Variants in MXD1 observed in about 807,000 individuals in gnomAD.
MXD1 encodes the protein MAX-binding protein.
Under a neutral mutation model 25.7 loss-of-function variants are expected in MXD1, and 9 were observed. The ratio of observed to expected loss-of-function variants is 0.35; its 90% confidence interval spans 0.21 to 0.61. The LOEUF (loss-of-function observed/expected upper bound fraction) is 0.61. Ranked by LOEUF, MXD1 falls within the 20% of genes least tolerant of loss-of-function variation. The probability of loss-of-function intolerance (pLI) is 0.75; values close to 1 mark genes in which losing one functional copy is unlikely to be tolerated. For synonymous variants in MXD1, 99 were observed against 113.9 expected (o/e 0.87, Z 0.83); for missense variants, 227 against 292.4 (o/e 0.78, Z 1.63).
chr2:69,926,351 C>G (rs1272758196), intron 3 of MXD1, among the ~76,000 whole-genome samples: 1 of 150,442 alleles, frequency 6.6e-6, no homozygotes, highest in African/African-American at 2.4e-5. Flanking sequence ...TTTTTTTTTC[C>G]ATGCCCTTAT....
Position 69,915,237 on chromosome 2 carries a change from G to T in MXD1, c.-94G>T. On this transcript the variant is annotated 5_prime_UTR_variant, in exon 1 of 6. Coordinates refer to ENST00000264444, the MANE Select transcript of MXD1 (RefSeq NM_002357.4). The surrounding 1 kb of genome is among the most constrained non-coding windows in gnomAD (Gnocchi z 5.8). The stretch of plus-strand genomic sequence containing the variant: ...CGCGGGGTCCACAGCGGGCTCCACA[G>T]CGGGCTCCATAGCGGGCTCCACAGC... 8.7e-7 allele frequency: 1 copy of T among 1,149,224 alleles called. No homozygotes were observed. The highest frequency in any genetic ancestry group is 3.2e-5 in the South Asian group (1 of 31,166). The allele number at this position is 1,149,224 out of a possible 1,614,324, so 71.2% of individuals were successfully genotyped here. A position where few individuals can be genotyped will look rare whatever the true frequency, so the allele number is the denominator to read the frequency against.
In MXD1 at chr2:69,942,378, A is replaced by G. The variant is rs1017987005; in HGVS notation, c.*4094A>G. On this transcript the variant is annotated 3_prime_UTR_variant, in exon 6 of 6. Coordinates refer to ENST00000264444, the MANE Select transcript of MXD1 (RefSeq NM_002357.4). ...TTTATCATGGTTTTTTTCATTATCA[A>G]TATTACATGGATGATTTTCTCAGAT... 9 of 152,124 alleles carry G rather than the reference A, an allele frequency of 5.9e-5. No homozygotes were observed. The highest frequency in any genetic ancestry group is 2.2e-4 in the African/African-American group (9 of 41,424). 9.4% of individuals were successfully genotyped at this position (152,124 alleles called of 1,614,324 possible). A position where few individuals can be genotyped will look rare whatever the true frequency, so the allele number is the denominator to read the frequency against.
At chr2:69,936,937 G>A in intron 4 of MXD1, 1 of 531,650 alleles carries the variant, frequency 1.9e-6, no homozygotes, top group Non-Finnish European at 3.7e-6. Context: ...GGGGACTGCT[G>A]CCTGCAGTCT....
chr2:69,932,279 G>C (rs1558571448), intron 3 of MXD1, among the ~76,000 whole-genome samples: 2 of 152,134 alleles, frequency 1.3e-5, no homozygotes, highest in Admixed American at 1.3e-4. Context: ...GGTAGGAGCT[G>C]TACATAACAG....
chr2:69,932,559 G>C (rs1367676266), intron 3 of MXD1, among the ~76,000 whole-genome samples: 1 of 152,178 alleles, frequency 6.6e-6, no homozygotes, highest in East Asian at 1.9e-4. Flanking sequence ...TATTTTTGTA[G>C]AACTAGGCCA....
At chr2:69,933,120 G>A (rs1429108815) in intron 3 of MXD1, among the ~76,000 whole-genome samples, 2 of 145,422 alleles carry the variant, frequency 1.4e-5, no homozygotes, top group East Asian at 4.2e-4. Context: ...AATCTGTTGA[G>A]CCTGGGAGGC....
intron 3 of MXD1, among the ~76,000 whole-genome samples, chr2:69,931,367 CTA>C (rs1677279274): frequency 6.6e-6 from 1 of 152,050 alleles, no homozygotes; most frequent in Non-Finnish European, 1.5e-5. Flanking sequence ...CTCCTACTCT[CTA>C]TGTCTGTGAG....
intron 3 of MXD1, among the ~76,000 whole-genome samples, chr2:69,921,984 C>G (rs1002897836): frequency 6.6e-5 from 10 of 152,130 alleles, no homozygotes; most frequent in Admixed American, 2.0e-4. Context: ...CGCACCAGCC[C>G]ACTCCTGAAG....
Position 69,937,403 on chromosome 2 carries a change from C to T in MXD1, c.478+9C>T, listed in dbSNP as rs2104212497. On this transcript the variant is annotated intron_variant, in intron 5 of 5. Coordinates refer to ENST00000264444, the MANE Select transcript of MXD1 (RefSeq NM_002357.4). ...CTCCGACTCCGACAGGGGTGAGCCT[C>T]TCTCACTCTCCTCCCTGTCTCCCTT... 1 of 1,593,904 alleles carries T rather than the reference C, an allele frequency of 6.3e-7. No individual in the cohort carries two copies. The highest frequency in any genetic ancestry group is 8.6e-7 in the Non-Finnish European group (1 of 1,169,576).
intron 3 of MXD1, among the ~76,000 whole-genome samples, chr2:69,926,603 C>T (rs1003532204): frequency 1.3e-5 from 2 of 152,186 alleles, no homozygotes; most frequent in Admixed American, 6.5e-5. Flanking sequence ...AGGTCTTATA[C>T]ATGTCCTGTA....
chr2:69,937,517 A>C, intron 5 of MXD1, 123 bp downstream of exon 5: 4 of 956,164 alleles, frequency 4.2e-6, no homozygotes, highest in Non-Finnish European at 6.0e-6. Context: ...GATGTAGAGA[A>C]GTCGAACAGT....
chr2:69,929,954 CATT>C (rs1189821610), intron 3 of MXD1, among the ~76,000 whole-genome samples: 1 of 152,188 alleles, frequency 6.6e-6, no homozygotes, highest in Non-Finnish European at 1.5e-5. Context: ...CATTCCTCCT[CATT>C]ATTCTTCTTA....
chr2:69,932,296 C>CT (rs1379043519), intron 3 of MXD1, among the ~76,000 whole-genome samples: 10 of 152,094 alleles, frequency 6.6e-5, no homozygotes, highest in Non-Finnish European at 1.3e-4. Context: ...ACAGAGGGGT[C>CT]TGTTTGCTTT....
Position 69,935,409 on chromosome 2 carries a change from G to A in MXD1, c.262G>A (p.Glu88Lys), listed in dbSNP as rs570538720. ...GAAGGGGCTGGTGCCACTTGGACCC[G>A]AATCAAGTCGACACACTACGTTGAG... is the stretch of plus-strand genomic sequence containing the variant. ...KLKGLVPLGP[E>K]SSRHTTLSLL... The change falls in exon 4 of 6, where the codon GAA (glutamate) becomes AAA (lysine). Residue 88 changes from glutamate (E) to lysine (K), a missense_variant. Glu to Lys is a moderately conservative substitution (Grantham distance 56). Transcript: ENST00000264444. 28 of 1,614,068 alleles carry A rather than the reference G, an allele frequency of 1.7e-5. No individual in the cohort carries two copies. In the Admixed American group the frequency reaches 2.3e-4, roughly 13 times the overall value.
intron 5 of MXD1, 117 bp from the exon 6 acceptor site, chr2:69,937,980 C>G (rs1677496141): frequency 1.1e-6 from 1 of 919,300 alleles, no homozygotes; most frequent in African/African-American, 1.7e-5. Context: ...CTCCTAACCT[C>G]AAGTGATCCA....
rs528511982 is a variant in MXD1, at chr2:69,939,589, C to G, written c.*1305C>G. 15 of 152,654 alleles carry G rather than the reference C, an allele frequency of 9.8e-5. No homozygotes were observed. The South Asian group carries it at 3.1e-3, about 32-fold the overall frequency. The allele number at this position is 152,654 out of a possible 1,614,324, so 9.5% of individuals were successfully genotyped here. On this transcript the variant is annotated 3_prime_UTR_variant, in exon 6 of 6. Transcript: ENST00000264444. ...ATGACTTTGTGGTTTTATAGATGTT[C>G]TAGAAACTTTGTATGTAGGTATCTA...
chr2:69,919,097 A>C (rs892954523), intron 2 of MXD1, among the ~76,000 whole-genome samples: 1 of 152,298 alleles, frequency 6.6e-6, no homozygotes, highest in South Asian at 2.1e-4. Flanking sequence ...TGTGCTTCCT[A>C]TGGAGTTTGT....
Position 69,938,212 on chromosome 2 carries a change from T to C in MXD1, c.594T>C (p.Asp198=), listed in dbSNP as rs1185331712. 3 of 1,614,064 alleles carry C rather than the reference T, an allele frequency of 1.9e-6. No homozygotes were observed. The highest frequency in any genetic ancestry group is 2.7e-5 in the African/African-American group (2 of 74,918). Residue 198 remains aspartate, a synonymous_variant, in exon 6 of 6, where the codon GAT becomes GAC. Coordinates refer to ENST00000264444, the MANE Select transcript of MXD1 (RefSeq NM_002357.4). ...ERGSMQSLGS[D]EGYSSTSIKR... is the part of the protein sequence containing the mutation. ...GCAGCATGCAGAGCCTCGGCAGTGATGAGGGCTATTCCAGCACCAGCATCA... is the reference window on the plus strand; with the variant it reads ...GCAGCATGCAGAGCCTCGGCAGTGACGAGGGCTATTCCAGCACCAGCATCA...
intron 2 of MXD1, among the ~76,000 whole-genome samples, chr2:69,916,961 A>G (rs1316077933): frequency 1.3e-5 from 2 of 152,218 alleles, no homozygotes; most frequent in East Asian, 1.9e-4. Context: ...TAGTCCATCA[A>G]TGTTGCTGCC....
Sources: allele counts gnomAD v4.1 joint callset (sites outside exome capture counted in the v4.1 genomes callset), GRCh38; gene constraint gnomAD v4.1.1; non-coding constraint Gnocchi (gnomAD v3.1); transcripts MANE v1.5; gene names NCBI Gene and HGNC (gene_info 2026-07-23, HGNC 2026-07-21).